CMTM8: variants seen among roughly 807,000 people sequenced by gnomAD.
The protein encoded by CMTM8 is CKLF like MARVEL transmembrane domain containing 8, also known as CKLF-like MARVEL transmembrane domain-containing protein 8.
In CMTM8, 12 loss-of-function variants were observed where a neutral mutation model predicts 18.6. The observed-to-expected ratio is 0.65, with a 90% confidence interval of 0.41 to 1.05. The LOEUF (loss-of-function observed/expected upper bound fraction) is 1.05, where lower values mean the gene tolerates loss of function less well. Among genes scored for constraint, CMTM8 ranks in the 50% least tolerant of loss-of-function variants. The pLI, the probability that CMTM8 is intolerant of heterozygous loss-of-function variation, is 0.00. For synonymous variants in CMTM8, 87 were observed against 90.6 expected (o/e 0.96, Z 0.23); for missense variants, 217 against 227.2 (o/e 0.95, Z 0.29).
chr3:32,254,658 A>T (rs762284995), intron 1 of CMTM8, among the ~76,000 whole-genome samples: 1 of 152,160 alleles, frequency 6.6e-6, no homozygotes, highest in African/African-American at 2.4e-5. Flanking sequence ...TCAAAAGACA[A>T]TACTTTCCTC....
At chr3:32,311,141 G>C (rs910524705) in intron 1 of CMTM8, among the ~76,000 whole-genome samples, 1 of 152,210 alleles carries the variant, frequency 6.6e-6, no homozygotes, top group African/African-American at 2.4e-5. Flanking sequence ...CTACAGGCCA[G>C]ACCCAGCCCA....
intron 1 of CMTM8, among the ~76,000 whole-genome samples, chr3:32,311,797 A>T (rs1695825231): frequency 6.6e-6 from 1 of 152,186 alleles, no homozygotes. Context: ...TCTCAGTCCC[A>T]CCAGACTGCC....
chr3:32,322,827 G>A (rs1866259), intron 1 of CMTM8, among the ~76,000 whole-genome samples: 52,663 of 152,044 alleles, frequency 0.35, 9,936 homozygotes, highest in East Asian at 0.76. Context: ...TTTCTTTCAT[G>A]TGGCTGGGAT....
chr3:32,280,904 T>C lies in CMTM8; in HGVS notation c.147+41785T>C, dbSNP rs147746465. 3.2e-4 allele frequency among the ~76,000 whole-genome samples: 48 copies of C among 149,818 alleles called. 1 individual carries two copies. Among genetic ancestry groups the C allele is most frequent in the African/African-American group, 1.2e-3 (48 of 40,746 alleles). On this transcript the variant is annotated intron_variant, in intron 1 of 3. Coordinates refer to ENST00000307526, the MANE Select transcript of CMTM8 (RefSeq NM_178868.5). ...TATATTTGGAACTACCTTTGTCTCA[T>C]TTTATAAATAAAGCAGCTGAGGGTG...
rs1298593386 is a variant in CMTM8 at position 32,239,104 on chromosome 3, C to T, written c.132C>T (p.Leu44=). The T allele has an allele frequency of 6.2e-7, 1 of 1,600,452 alleles. No homozygotes were observed. The highest frequency in any genetic ancestry group is 2.3e-5 in the East Asian group (1 of 43,984). The change falls in exon 1 of 4, where the codon CTC becomes CTT. Residue 44 remains leucine, a synonymous_variant. Transcript: ENST00000307526. ...REFLRTLPGF[L]IVAEIVLGLL... ...TCCTCCGCACCCTGCCCGGCTTCCTCATCGTGGCCGAGATCGTGAGTGCCG... is the reference window on the plus strand; with the variant it reads ...TCCTCCGCACCCTGCCCGGCTTCCTTATCGTGGCCGAGATCGTGAGTGCCG...
At chr3:32,240,164 G>A (rs76960380) in intron 1 of CMTM8, among the ~76,000 whole-genome samples, 1,998 of 152,342 alleles carry the variant, frequency 0.013, 42 homozygotes, top group Middle Eastern at 0.054. Flanking sequence ...GAAGACCTGG[G>A]CGGTTCCTTT....
intron 1 of CMTM8, among the ~76,000 whole-genome samples, chr3:32,328,549 GAA>G (rs1274680775): frequency 2.7e-5 from 2 of 73,110 alleles, no homozygotes; most frequent in Non-Finnish European, 5.7e-5. Context: ...GACCAAAAAA[GAA>G]AAAAAAAAAA....
intron 1 of CMTM8, among the ~76,000 whole-genome samples, chr3:32,350,709 G>C (rs1226798496): frequency 6.6e-6 from 1 of 152,168 alleles, no homozygotes; most frequent in Non-Finnish European, 1.5e-5. Context: ...ATTTTTAGTA[G>C]AGACGGGGTT....
chr3:32,295,829 C>G (rs1702869118), intron 1 of CMTM8, among the ~76,000 whole-genome samples: 1 of 152,156 alleles, frequency 6.6e-6, no homozygotes, highest in South Asian at 2.1e-4. Flanking sequence ...GCCTTTCTAT[C>G]TGGCTTTGTT....
At chr3:32,311,190 T>C (rs934813588) in intron 1 of CMTM8, among the ~76,000 whole-genome samples, 7 of 152,234 alleles carry the variant, frequency 4.6e-5, no homozygotes, top group African/African-American at 1.7e-4. Context: ...AAGAATGACT[T>C]TTATATTTTT....
intron 1 of CMTM8, among the ~76,000 whole-genome samples, chr3:32,292,990 A>G (rs1204743931): frequency 6.6e-6 from 1 of 152,096 alleles, no homozygotes; most frequent in Non-Finnish European, 1.5e-5. Flanking sequence ...ATCCTAATAG[A>G]TAGATATATA....
intron 1 of CMTM8, among the ~76,000 whole-genome samples, chr3:32,341,648 A>C (rs572444693): frequency 1.3e-5 from 2 of 150,814 alleles, no homozygotes; most frequent in South Asian, 4.2e-4. Context: ...AGGCCGAGGC[A>C]GGTGGATCAC....
chr3:32,316,153 G>A (rs535578709), intron 1 of CMTM8, among the ~76,000 whole-genome samples: 1 of 148,598 alleles, frequency 6.7e-6, no homozygotes, highest in Non-Finnish European at 1.5e-5. Flanking sequence ...TCAGCCTCCC[G>A]AGTAGCTGGG....
Position 32,273,757 on chromosome 3 carries a change from G to A in CMTM8, c.147+34638G>A, listed in dbSNP as rs1357639946. Among the ~76,000 whole-genome samples the A allele has an allele frequency of 2.6e-5, 4 of 152,048 alleles. No individual in the cohort carries two copies. In the South Asian group the frequency reaches 6.2e-4, roughly 24 times the overall value. ...GGGATGATAAAAATGTTCTGAAATC[G>A]GATAGTTGTGGTAGTTACATACCTC... On this transcript the variant is annotated intron_variant, in intron 1 of 3. Transcript: ENST00000307526.
At chr3:32,314,757 A>T (rs984215006) in intron 1 of CMTM8, among the ~76,000 whole-genome samples, 25 of 152,016 alleles carry the variant, frequency 1.6e-4, no homozygotes, top group African/African-American at 5.6e-4. Flanking sequence ...GACTGCAGGC[A>T]TGAGCCTCCA....
At chr3:32,292,000 G>A (rs1014557522) in intron 1 of CMTM8, among the ~76,000 whole-genome samples, 11 of 152,144 alleles carry the variant, frequency 7.2e-5, no homozygotes, top group Admixed American at 2.0e-4. Context: ...AATTAGGTGA[G>A]ACTATATCTA....
chr3:32,334,177 C>T (rs1696336995), intron 1 of CMTM8, among the ~76,000 whole-genome samples: 1 of 151,748 alleles, frequency 6.6e-6, no homozygotes. Context: ...GGGGTTTCAC[C>T]ATCTTGGCCA....
intron 1 of CMTM8, among the ~76,000 whole-genome samples, chr3:32,312,490 A>G (rs1695838726): frequency 6.6e-6 from 1 of 152,154 alleles, no homozygotes; most frequent in South Asian, 2.1e-4. Context: ...TGAGGTACCC[A>G]GGGCAAGGCA....
intron 1 of CMTM8, among the ~76,000 whole-genome samples, chr3:32,335,148 C>G (rs1465487722): frequency 6.6e-6 from 1 of 152,194 alleles, no homozygotes; most frequent in East Asian, 1.9e-4. Context: ...TCCTGCCAGG[C>G]TCTTCCGTCA....
Sources: allele counts gnomAD v4.1 joint callset (sites outside exome capture counted in the v4.1 genomes callset), GRCh38; gene constraint gnomAD v4.1.1; transcripts MANE v1.5; gene names NCBI Gene and HGNC (gene_info 2026-07-23, HGNC 2026-07-21).